The following GALM variants were observed in gnomAD, a reference collection of about 807,000 sequenced individuals.
GALM encodes the protein aldose 1-epimerase.
GALM carries 43 observed loss-of-function variants against 37.4 expected under a neutral mutation model. That is an observed-to-expected ratio of 1.15 (90% CI 0.90 to 1.48). The LOEUF (loss-of-function observed/expected upper bound fraction) is 1.48. Ranked by LOEUF, GALM falls within the 40% of genes most tolerant of loss-of-function variation. The pLI is 0.00. For missense variants in GALM, 456 were observed against 419.1 expected (o/e 1.09, Z -0.77); for synonymous variants, 199 against 170.6 (o/e 1.17, Z -1.30).
intron 6 of GALM, among the ~76,000 whole-genome samples, chr2:38,732,142 C>T (rs751270802): frequency 1.3e-5 from 2 of 152,152 alleles, no homozygotes; most frequent in East Asian, 1.9e-4. Flanking sequence ...CTGCAACCTC[C>T]GCCTCCTGGG....
At chr2:38,677,600 A>T (rs1386516388) in intron 2 of GALM, among the ~76,000 whole-genome samples, 2 of 152,196 alleles carry the variant, frequency 1.3e-5, no homozygotes, top group East Asian at 3.8e-4. Flanking sequence ...GAGCCTTAGG[A>T]CAGCACCTCG....
intron 4 of GALM, among the ~76,000 whole-genome samples, chr2:38,690,563 C>T (rs1291817151): frequency 6.6e-6 from 1 of 152,034 alleles, no homozygotes; most frequent in African/African-American, 2.4e-5. Flanking sequence ...ATCTCCACTT[C>T]CTGAGTAGCT....
intron 3 of GALM, among the ~76,000 whole-genome samples, chr2:38,685,756 C>T (rs1480894054): frequency 6.6e-6 from 1 of 152,084 alleles, no homozygotes; most frequent in Non-Finnish European, 1.5e-5. Context: ...CTCACTCTGT[C>T]TCCCAGGCTG....
intron 3 of GALM, among the ~76,000 whole-genome samples, chr2:38,681,884 G>C (rs534074612): frequency 1.3e-5 from 2 of 152,306 alleles, no homozygotes; most frequent in African/African-American, 2.4e-5. Flanking sequence ...CTTTAGATAT[G>C]CTGCCAATAT....
At chr2:38,720,370 G>A (rs1040189327) in intron 4 of GALM, among the ~76,000 whole-genome samples, 7 of 141,522 alleles carry the variant, frequency 4.9e-5, no homozygotes, top group Non-Finnish European at 1.1e-4. Flanking sequence ...TAATTGCAAG[G>A]ATTAATGTTC....
intron 6 of GALM, among the ~76,000 whole-genome samples, chr2:38,732,116 G>A (rs1666621086): frequency 6.6e-6 from 1 of 152,226 alleles, no homozygotes; most frequent in Admixed American, 6.5e-5. Flanking sequence ...CGCCTCCTGG[G>A]CACGATCTCA....
chr2:38,732,202 G>A (rs1264912397), intron 6 of GALM, among the ~76,000 whole-genome samples: 4 of 152,158 alleles, frequency 2.6e-5, no homozygotes, highest in East Asian at 1.9e-4. Flanking sequence ...GATTACAGGC[G>A]CCTACCACCA....
chr2:38,698,708 AAT>A (rs1665860118), intron 4 of GALM, among the ~76,000 whole-genome samples: 1 of 151,574 alleles, frequency 6.6e-6, no homozygotes, highest in Non-Finnish European at 1.5e-5. Context: ...GGGTGTAGAT[AAT>A]GGATGTCCAG....
chr2:38,683,373 T>A (rs914351858), intron 3 of GALM, among the ~76,000 whole-genome samples: 3 of 152,192 alleles, frequency 2.0e-5, no homozygotes, highest in African/African-American at 7.2e-5. Flanking sequence ...ATATCCCTTA[T>A]CCAAAATACT....
At chr2:38,724,022 A>G (rs1269855392) in intron 4 of GALM, among the ~76,000 whole-genome samples, 3 of 151,820 alleles carry the variant, frequency 2.0e-5, no homozygotes, top group African/African-American at 7.2e-5. Context: ...TGGTTCAAGC[A>G]ATTCTTCTGC....
chr2:38,708,078 G>A (rs554400319), intron 4 of GALM, among the ~76,000 whole-genome samples: 1 of 148,332 alleles, frequency 6.7e-6, no homozygotes, highest in East Asian at 2.1e-4. Context: ...TTGCACTCCA[G>A]CATGGGCAAC....
At chr2:38,681,245 A>G in intron 2 of GALM, 35 bp from the exon 3 acceptor site, 2 of 1,506,328 alleles carry the variant, frequency 1.3e-6, no homozygotes, top group Non-Finnish European at 1.8e-6. Flanking sequence ...TTGAGGATGG[A>G]GCAACTACAC....
At chr2:38,681,557 A>T (rs1665397766) in intron 3 of GALM, 71 bp downstream of exon 3, 1 of 1,322,426 alleles carries the variant, frequency 7.6e-7, no homozygotes, top group Non-Finnish European at 1.1e-6. Flanking sequence ...TAGAGAGATC[A>T]GAGTAGTGTG....
At chr2:38,729,722 T>A in intron 5 of GALM, 25 bp downstream of exon 5, 2 of 1,590,622 alleles carry the variant, frequency 1.3e-6, no homozygotes, top group South Asian at 1.1e-5. Flanking sequence ...ACTTCCTGAG[T>A]CTGTAAGGAA....
intron 4 of GALM, among the ~76,000 whole-genome samples, chr2:38,713,418 C>T (rs1159033012): frequency 8.8e-6 from 1 of 113,670 alleles, no homozygotes; most frequent in Non-Finnish European, 1.8e-5. Context: ...CCCTAGCAGT[C>T]CTCCTGTTCT....
chr2:38,693,524 ACCAGCCATACT>A (rs1665733374), intron 4 of GALM, among the ~76,000 whole-genome samples: 1 of 151,880 alleles, frequency 6.6e-6, no homozygotes. Flanking sequence ...AACCTGTTAG[ACCAGCCATACT>A]CCATTAAGAC....
At chr2:38,677,727 T>C (rs1665292397) in intron 2 of GALM, among the ~76,000 whole-genome samples, 1 of 152,202 alleles carries the variant, frequency 6.6e-6, no homozygotes, top group African/African-American at 2.4e-5. Context: ...CAGTGCAGTG[T>C]GCCCTTGAGC....
intron 1 of GALM, 44 bp downstream of exon 1, chr2:38,666,395 A>G: frequency 7.0e-7 from 1 of 1,436,380 alleles, no homozygotes; most frequent in Non-Finnish European, 9.6e-7. Flanking sequence ...CCCCAGGCCC[A>G]CGCTACATAC....
intron 3 of GALM, among the ~76,000 whole-genome samples, chr2:38,686,804 A>C (rs924614683): frequency 1.3e-5 from 2 of 152,232 alleles, no homozygotes; most frequent in Admixed American, 6.5e-5. Context: ...GGCACCTAGG[A>C]AACAGAGTGA....
Sources: allele counts gnomAD v4.1 joint callset (sites outside exome capture counted in the v4.1 genomes callset), GRCh38; gene constraint gnomAD v4.1.1; transcripts MANE v1.5; gene names NCBI Gene and HGNC (gene_info 2026-07-23, HGNC 2026-07-21).